The following CPE variants were observed in gnomAD, a reference collection of about 807,000 sequenced individuals.
The protein encoded by CPE is carboxypeptidase E.
In CPE, 17 loss-of-function variants were observed where a neutral mutation model predicts 53.5. The observed-to-expected ratio is 0.32, with a 90% confidence interval of 0.22 to 0.48. CPE has a LOEUF of 0.48. CPE is among the 20% of genes least tolerant of loss of function. The pLI is 0.99. For synonymous variants in CPE, 226 were observed against 228.8 expected (o/e 0.99, Z 0.11); for missense variants, 524 against 614.7 (o/e 0.85, Z 1.56).
intron 1 of CPE, among the ~76,000 whole-genome samples, chr4:165,438,622 G>T (rs1375613785): frequency 6.6e-6 from 1 of 152,070 alleles, no homozygotes; most frequent in Admixed American, 6.6e-5. Context: ...AATTTGAATG[G>T]GTCATTTCAA....
intron 1 of CPE, among the ~76,000 whole-genome samples, chr4:165,389,693 G>A (rs1186001829): frequency 6.6e-6 from 1 of 152,102 alleles, no homozygotes; most frequent in Non-Finnish European, 1.5e-5. Flanking sequence ...TATAAATTAA[G>A]CTCTGTAAAA....
chr4:165,380,352 C>A (rs1038243798), intron 1 of CPE, among the ~76,000 whole-genome samples: 2 of 152,102 alleles, frequency 1.3e-5, no homozygotes, highest in Non-Finnish European at 2.9e-5. Flanking sequence ...ACTGATGTTC[C>A]CAAATAACCA....
chr4:165,493,348 T>C, intron 7 of CPE, 78 bp downstream of exon 7: 3 of 1,054,890 alleles, frequency 2.8e-6, no homozygotes, highest in South Asian at 1.4e-5. Flanking sequence ...ATAAGTCTTA[T>C]GTTCTTCTAA....
At chr4:165,400,856 C>G (rs1730853549) in intron 1 of CPE, among the ~76,000 whole-genome samples, 1 of 152,134 alleles carries the variant, frequency 6.6e-6, no homozygotes, top group Non-Finnish European at 1.5e-5. Flanking sequence ...CACAAAGGGC[C>G]ACTACTGACT....
At chr4:165,423,735 T>G (rs1731267308) in intron 1 of CPE, among the ~76,000 whole-genome samples, 1 of 151,672 alleles carries the variant, frequency 6.6e-6, no homozygotes, top group Admixed American at 6.5e-5. Flanking sequence ...GCTGGTGCGC[T>G]GCACCCACTA....
chr4:165,465,923 T>C (rs1314357369), intron 2 of CPE, among the ~76,000 whole-genome samples: 1 of 152,218 alleles, frequency 6.6e-6, no homozygotes, highest in African/African-American at 2.4e-5. Flanking sequence ...TGCTTTGAAA[T>C]AGGTCATTTA....
intron 4 of CPE, among the ~76,000 whole-genome samples, chr4:165,483,625 G>A (rs1732457167): frequency 6.6e-6 from 1 of 152,272 alleles, no homozygotes; most frequent in Non-Finnish European, 1.5e-5. Context: ...GGGAATCCAC[G>A]ACAACATCTG....
At chr4:165,405,677 G>C in intron 1 of CPE, 2 of 791,624 alleles carry the variant, frequency 2.5e-6, no homozygotes, top group Non-Finnish European at 4.6e-6. Context: ...TCCTCTGGAA[G>C]TTTTAGTCCT....
intron 1 of CPE, chr4:165,381,229 C>T: frequency 2.2e-6 from 1 of 454,858 alleles, no homozygotes; most frequent in Non-Finnish European, 4.4e-6. Flanking sequence ...GATTTCTTTG[C>T]TTAAGTATCT....
intron 1 of CPE, among the ~76,000 whole-genome samples, chr4:165,395,805 A>G (rs1336088003): frequency 6.6e-6 from 1 of 152,228 alleles, no homozygotes; most frequent in Non-Finnish European, 1.5e-5. Flanking sequence ...GTAGATGCCC[A>G]AAGCATTTCA....
intron 1 of CPE, among the ~76,000 whole-genome samples, chr4:165,387,119 C>G (rs1206379175): frequency 6.6e-6 from 1 of 152,128 alleles, no homozygotes; most frequent in African/African-American, 2.4e-5. Context: ...TAACAGCCAG[C>G]TTTTTCTAAT....
chr4:165,416,590 G>T lies in CPE; in HGVS notation c.307+37062G>T, dbSNP rs555095562. ...AGGCCCCAAACTCTGCTCATGCCAGGCTTTGCACATGCCGTTTCCTCTGCT... is the reference window on the plus strand; with the variant it reads ...AGGCCCCAAACTCTGCTCATGCCAGTCTTTGCACATGCCGTTTCCTCTGCT... On this transcript the variant is annotated intron_variant, in intron 1 of 8. Coordinates refer to ENST00000402744, the MANE Select transcript of CPE (RefSeq NM_001873.4). Among the ~76,000 whole-genome samples, 131 of 151,806 alleles carry T rather than the reference G, an allele frequency of 8.6e-4. 1 individual carries two copies. Among genetic ancestry groups the T allele is most frequent in the Non-Finnish European group, 1.7e-3 (114 of 67,952 alleles).
Position 165,381,385 on chromosome 4 carries a change from A to G in CPE, c.307+1857A>G, listed in dbSNP as rs773740354. 5.4e-4 allele frequency: 243 copies of G among 453,526 alleles called. 1 individual carries two copies. Among genetic ancestry groups the G allele is most frequent in the Non-Finnish European group, 9.3e-4 (211 of 225,828 alleles). 28.1% of individuals were successfully genotyped at this position (453,526 alleles called of 1,614,324 possible). ...ATGAAATAATCTACATTATGGAAAAATACTGAATATGCAGTGTGGAAAAAA... is the reference window on the plus strand; with the variant it reads ...ATGAAATAATCTACATTATGGAAAAGTACTGAATATGCAGTGTGGAAAAAA... On this transcript the variant is annotated intron_variant, in intron 1 of 8. Transcript: ENST00000402744.
chr4:165,426,696 C>G (rs1002240627), intron 1 of CPE, among the ~76,000 whole-genome samples: 3 of 152,186 alleles, frequency 2.0e-5, no homozygotes, highest in Non-Finnish European at 4.4e-5. Flanking sequence ...TGCACACTCA[C>G]CGGTTTGAGA....
chr4:165,464,722 T>A, intron 2 of CPE, 136 bp downstream of exon 2: 2 of 634,156 alleles, frequency 3.2e-6, no homozygotes, highest in Non-Finnish European at 4.9e-6. Flanking sequence ...ATGCATTCAT[T>A]ATTCAACTCA....
intron 1 of CPE, among the ~76,000 whole-genome samples, chr4:165,461,166 C>CAAAAAAAAAAAAAAAAAA (rs1173022270): frequency 9.5e-4 from 42 of 44,186 alleles, no homozygotes; most frequent in Non-Finnish European, 1.6e-3. Flanking sequence ...GCCTCTGCCT[C>CAAAAAAAAAAAAAAAAAA]AAAAAAAAAA....
At chr4:165,399,021 A>T (rs1222135925) in intron 1 of CPE, among the ~76,000 whole-genome samples, 11 of 152,212 alleles carry the variant, frequency 7.2e-5, no homozygotes, top group Non-Finnish European at 1.5e-4. Context: ...TAGGCATTAA[A>T]GGGTTTTATT....
chr4:165,383,261 G>GT (rs1730532730), intron 1 of CPE, among the ~76,000 whole-genome samples: 1 of 151,948 alleles, frequency 6.6e-6, no homozygotes, highest in East Asian at 1.9e-4. Flanking sequence ...CATTTTTCCC[G>GT]TTTTTCTTTC....
intron 4 of CPE, among the ~76,000 whole-genome samples, chr4:165,483,059 A>G (rs1732443187): frequency 6.6e-6 from 1 of 150,574 alleles, no homozygotes. Flanking sequence ...ACACGGATAT[A>G]TTACATAATG....
Sources: gnomAD v4.1 joint callset for allele counts (sites outside exome capture counted in the v4.1 genomes callset) on GRCh38, gnomAD v4.1.1 for gene constraint, MANE v1.5 for transcripts, NCBI Gene and HGNC (gene_info 2026-07-23, HGNC 2026-07-21) for gene names.